Variants in ZRANB2 observed in about 807,000 individuals in gnomAD.
ZRANB2 encodes zinc finger Ran-binding domain-containing protein 2.
In ZRANB2, 19 loss-of-function variants were observed where a neutral mutation model predicts 53.4. The ratio of observed to expected loss-of-function variants is 0.36; its 90% confidence interval spans 0.25 to 0.52. The LOEUF (loss-of-function observed/expected upper bound fraction) is 0.52. Among genes scored for constraint, ZRANB2 ranks in the 20% least tolerant of loss-of-function variants. ZRANB2 has a pLI of 0.93. For missense variants in ZRANB2, 309 were observed against 401.1 expected (o/e 0.77, Z 1.96); for synonymous variants, 145 against 134.8 (o/e 1.08, Z -0.52).
Position 71,064,800 on chromosome 1 carries a change from A to G in ZRANB2, c.*274T>C. 1 of 258,122 alleles carries G rather than the reference A, an allele frequency of 3.9e-6. No individual in the cohort carries two copies. The highest frequency in any genetic ancestry group is 7.4e-6 in the Non-Finnish European group (1 of 135,638). 16.0% of individuals were successfully genotyped at this position (258,122 alleles called of 1,614,324 possible). ...ATGACAAAAATGGGTTTAAATTAGG[A>G]AGCAAAGTACTTTGTTATAGCTGAA... On this transcript the variant is annotated 3_prime_UTR_variant, in exon 10 of 10. Transcript: ENST00000370920.
intron 1 of ZRANB2, among the ~76,000 whole-genome samples, chr1:71,079,762 T>TA (rs1199664675): frequency 1.3e-5 from 2 of 152,212 alleles, no homozygotes; most frequent in African/African-American, 2.4e-5. Flanking sequence ...ATTTTACAGG[T>TA]AACAACAAAG....
rs1189653780 is a variant in ZRANB2 at position 71,067,204 on chromosome 1, A to C, written c.771-270T>G. 3 of 251,852 alleles carry C rather than the reference A, an allele frequency of 1.2e-5. No individual in the cohort carries two copies. The East Asian group carries it at 2.5e-4, about 21-fold the overall frequency. The allele number at this position is 251,852 out of a possible 1,614,324, so 15.6% of individuals were successfully genotyped here. ...TCAAAATAGAATTTAAACTTTTTTT[A>C]AGGCTTTTCAAAGTATACACAAATA... On this transcript the variant is annotated intron_variant, in intron 8 of 9. Coordinates refer to ENST00000370920, the MANE Select transcript of ZRANB2 (RefSeq NM_203350.3).
intron 4 of ZRANB2, among the ~76,000 whole-genome samples, chr1:71,075,245 T>A (rs1661683193): frequency 2.0e-5 from 3 of 152,086 alleles, no homozygotes; most frequent in Admixed American, 2.0e-4. Context: ...ATTCTTTGCC[T>A]AGGGTGGTAA....
intron 8 of ZRANB2, among the ~76,000 whole-genome samples, chr1:71,068,837 G>A (rs1382600787): frequency 1.3e-5 from 2 of 149,618 alleles, no homozygotes; most frequent in African/African-American, 4.9e-5. Context: ...CACCCAGGCT[G>A]GATTACAGTG....
Position 71,069,320 on chromosome 1 carries a change from A to G in ZRANB2, c.726T>C (p.Arg242=). ...RSSSSSQSRS[R]SSSRERSRSR... ...ATCTCGAACGTTCTCTGGAACTGGA[A>G]CGAGATCTTGACTGCGAACTGGAAG... The change falls in exon 8 of 10, where the codon CGT becomes CGC. Residue 242 remains arginine, a synonymous_variant. Coordinates refer to ENST00000370920, the MANE Select transcript of ZRANB2 (RefSeq NM_203350.3). 2 of 1,613,114 alleles carry G rather than the reference A, an allele frequency of 1.2e-6. No individual in the cohort carries two copies. The highest frequency in any genetic ancestry group is 2.2e-5 in the South Asian group (2 of 91,010).
chr1:71,078,456 C>T lies in ZRANB2; in HGVS notation c.218+1G>A. 6.2e-7 allele frequency: 1 copy of T among 1,610,236 alleles called. No homozygotes were observed. The highest frequency in any genetic ancestry group is 8.5e-7 in the Non-Finnish European group (1 of 1,177,764). The stretch of plus-strand genomic sequence containing the variant: ...AGCAGACAATAATTTAAAAAACATA[C>T]GTTTTACATTGCCAGTCATTAGCAC... On this transcript the variant is annotated splice_donor_variant, in intron 3 of 9. Coordinates refer to ENST00000370920, the MANE Select transcript of ZRANB2 (RefSeq NM_203350.3). LOFTEE classifies it high-confidence loss of function.
At chr1:71,074,228 CTA>C (rs2101048702) in intron 4 of ZRANB2, among the ~76,000 whole-genome samples, 1 of 152,148 alleles carries the variant, frequency 6.6e-6, no homozygotes, top group South Asian at 2.1e-4. Flanking sequence ...GCACAGTGGC[CTA>C]TAAATGTCTT....
Position 71,080,839 on chromosome 1 carries a change from C to T in ZRANB2, c.56+101G>A. The T allele has an allele frequency of 2.1e-6, 3 of 1,418,954 alleles. No homozygotes were observed. In the South Asian group the frequency reaches 3.5e-5, roughly 16 times the overall value. 87.9% of individuals were successfully genotyped at this position (1,418,954 alleles called of 1,614,324 possible). A position where few individuals can be genotyped will look rare whatever the true frequency, so the allele number is the denominator to read the frequency against. ...CTGGCGGTTCGCCGCCTCAACCCGT[C>T]TTAAGGCACAGAAAATCATAAAAAA... is the stretch of plus-strand genomic sequence containing the variant. On this transcript the variant is annotated intron_variant, in intron 1 of 9. Coordinates refer to ENST00000370920, the MANE Select transcript of ZRANB2 (RefSeq NM_203350.3).
At chr1:71,070,080 A>G (rs1025795727) in intron 7 of ZRANB2, among the ~76,000 whole-genome samples, 8 of 152,168 alleles carry the variant, frequency 5.3e-5, no homozygotes, top group African/African-American at 1.9e-4. Flanking sequence ...CTCAATTAAC[A>G]TATATCTAAT....
intron 4 of ZRANB2, among the ~76,000 whole-genome samples, chr1:71,072,771 A>AG (rs1661622157): frequency 2.6e-5 from 4 of 152,132 alleles, no homozygotes; most frequent in African/African-American, 9.7e-5. Context: ...TTTCAATTCC[A>AG]AATTGCCCTA....
At chr1:71,080,854 A>G in intron 1 of ZRANB2, 86 bp downstream of exon 1, 1 of 1,523,052 alleles carries the variant, frequency 6.6e-7, no homozygotes, top group Non-Finnish European at 9.1e-7. Context: ...GGCACAGAAA[A>G]TCATAAAAAA....
intron 1 of ZRANB2, among the ~76,000 whole-genome samples, chr1:71,080,642 GC>G (rs1661820875): frequency 7.5e-6 from 1 of 133,138 alleles, no homozygotes; most frequent in Non-Finnish European, 1.6e-5. Context: ...CTAAAACCTG[GC>G]CGGGGCGGGG....
At position 71,070,915 on chromosome 1, in the gene ZRANB2, T is replaced by C. The variant is rs376974829; in HGVS notation, c.595A>G (p.Asn199Asp). ...CGAGACTTTGAGCGACTTCGTCTAT[T>C]AGATTTCTTTTTATTACTATCTTCT... ...EEEDSNKKKS[N>D]RRSRSKSRSS... The change falls in exon 7 of 10, where the codon AAT becomes GAT. Residue 199 changes from asparagine (N) to aspartate (D), a missense_variant. Physicochemically the swap from Asn to Asp is conservative, Grantham distance 23. This residue lies in a region of ZRANB2 where 211 missense variants were observed against 196.1 expected (regional missense o/e 1.08). Transcript: ENST00000370920. The C allele has an allele frequency of 8.1e-6, 13 of 1,611,452 alleles. No individual in the cohort carries two copies. The highest frequency in any genetic ancestry group is 1.3e-5 in the African/African-American group (1 of 74,750).
chr1:71,077,798 G>A (rs1661740687), intron 3 of ZRANB2, among the ~76,000 whole-genome samples: 1 of 152,238 alleles, frequency 6.6e-6, no homozygotes, highest in South Asian at 2.1e-4. Flanking sequence ...AGAGGTTACA[G>A]TGAACTGAGA....
intron 6 of ZRANB2, among the ~76,000 whole-genome samples, chr1:71,071,501 C>T (rs1258032063): frequency 2.6e-5 from 4 of 152,070 alleles, no homozygotes; most frequent in African/African-American, 7.2e-5. Flanking sequence ...ATTCCAAGAC[C>T]TCTTATGATC....
chr1:71,079,902 T>C (rs1269305672), intron 1 of ZRANB2, among the ~76,000 whole-genome samples: 1 of 152,178 alleles, frequency 6.6e-6, no homozygotes, highest in African/African-American at 2.4e-5. Flanking sequence ...CTCCTTCAGG[T>C]CATCTTAATA....
chr1:71,074,233 A>C (rs955891365), intron 4 of ZRANB2, among the ~76,000 whole-genome samples: 2 of 152,120 alleles, frequency 1.3e-5, no homozygotes, highest in African/African-American at 4.8e-5. Flanking sequence ...GTGGCCTATA[A>C]ATGTCTTCAA....
At chr1:71,071,629 T>C (rs1401975220) in intron 6 of ZRANB2, among the ~76,000 whole-genome samples, 1 of 152,072 alleles carries the variant, frequency 6.6e-6, no homozygotes, top group Non-Finnish European at 1.5e-5. Flanking sequence ...CTGCTCTAAC[T>C]ATACTGGCCT....
intron 8 of ZRANB2, 92 bp downstream of exon 8, chr1:71,069,179 AAGTAG>A: frequency 7.3e-6 from 7 of 962,184 alleles, no homozygotes; most frequent in African/African-American, 1.7e-5. Flanking sequence ...TAAAATCGAC[AAGTAG>A]AAGCAAAATA....
Sources: allele counts gnomAD v4.1 joint callset (sites outside exome capture counted in the v4.1 genomes callset), GRCh38; gene constraint gnomAD v4.1.1; regional missense constraint gnomAD v4.1.1; transcripts MANE v1.5; gene names NCBI Gene and HGNC (gene_info 2026-07-23, HGNC 2026-07-21).